PLXNA4: variants seen among roughly 807,000 people sequenced by gnomAD.
PLXNA4 encodes the protein plexin A4.
Under a neutral mutation model 191.8 loss-of-function variants are expected in PLXNA4, and 44 were observed. The ratio of observed to expected loss-of-function variants is 0.23; its 90% confidence interval spans 0.18 to 0.29. The LOEUF (loss-of-function observed/expected upper bound fraction) is 0.29. Ranked by LOEUF, PLXNA4 falls within the 10% of genes least tolerant of loss-of-function variation. PLXNA4 has a pLI of 1.00. For synonymous variants in PLXNA4, 1,082 were observed against 1,009.5 expected, an observed-to-expected ratio of 1.07 and a Z score of -1.36; for missense variants, 1,800 against 2,488.8, an observed-to-expected ratio of 0.72 and a Z score of 5.89.
chr7:132,365,360 T>TGTGTGTGTGTGTGCGCGC lies in PLXNA4; in HGVS notation c.1372-67139_1372-67138insGCGCGCACACACACACAC. On this transcript the variant is annotated intron_variant, in intron 3 of 31. Coordinates refer to ENST00000321063, the MANE Select transcript of PLXNA4 (RefSeq NM_020911.2). Reference sequence around the variant, plus strand: ...GTGTGTGTGTGTGTGTGTGTGTGTGTGCGTGCGCGCGCATGCATGGGGCAA... The same window carrying TGTGTGTGTGTGTGCGCGC: ...GTGTGTGTGTGTGTGTGTGTGTGTGTGTGTGTGTGTGTGCGCGCGCGTGCGCGCGCATGCATGGGGCAA... Among the ~76,000 whole-genome samples the TGTGTGTGTGTGTGCGCGC allele has an allele frequency of 1.2e-3, 153 of 128,816 alleles. 1 individual carries two copies. Among genetic ancestry groups the TGTGTGTGTGTGTGCGCGC allele is most frequent in the African/African-American group, 3.9e-3 (132 of 33,822 alleles). The allele number at this position is 128,816 out of a possible 152,430, so 84.5% of individuals were successfully genotyped here.
intron 30 of PLXNA4, among the ~76,000 whole-genome samples, chr7:132,138,215 T>C (rs1193170247): frequency 6.6e-6 from 1 of 152,156 alleles, no homozygotes; most frequent in Non-Finnish European, 1.5e-5. Context: ...CCCAAATACA[T>C]GCAGAGCACA....
At chr7:132,310,796 G>A (rs1801698616) in intron 3 of PLXNA4, among the ~76,000 whole-genome samples, 1 of 152,180 alleles carries the variant, frequency 6.6e-6, no homozygotes, top group African/African-American at 2.4e-5. Context: ...TCAAGCTACT[G>A]GGGCACCAGC....
intron 2 of PLXNA4, among the ~76,000 whole-genome samples, chr7:132,625,190 G>A (rs1398738908): frequency 6.6e-6 from 1 of 152,140 alleles, no homozygotes; most frequent in Non-Finnish European, 1.5e-5. Flanking sequence ...GATGACTTCA[G>A]CCCAAGAGAG....
intron 1 of PLXNA4, among the ~76,000 whole-genome samples, chr7:132,537,615 C>T (rs1333202167): frequency 6.6e-6 from 1 of 152,158 alleles, no homozygotes; most frequent in African/African-American, 2.4e-5. Flanking sequence ...ATGTGCCTGA[C>T]CAGACCCGGA....
intron 1 of PLXNA4, among the ~76,000 whole-genome samples, chr7:132,558,748 C>T (rs11974790): frequency 0.44 from 66,271 of 152,114 alleles, 17,021 homozygotes; most frequent in South Asian, 0.63. Flanking sequence ...CCGCCTCTTT[C>T]GCCTTTGCCT....
intron 3 of PLXNA4, among the ~76,000 whole-genome samples, chr7:132,426,685 G>T (rs977757028): frequency 4.6e-5 from 7 of 152,152 alleles, no homozygotes; most frequent in Non-Finnish European, 7.4e-5. Context: ...AAAACATATA[G>T]TCTTCTGGAA....
intron 24 of PLXNA4, among the ~76,000 whole-genome samples, chr7:132,163,387 T>C (rs560016156): frequency 1.3e-5 from 2 of 152,360 alleles, no homozygotes; most frequent in South Asian, 2.1e-4. Context: ...TGAGCAACTA[T>C]GATTATCCCC....
At chr7:132,322,430 G>T (rs572065888) in intron 3 of PLXNA4, among the ~76,000 whole-genome samples, 1 of 152,068 alleles carries the variant, frequency 6.6e-6, no homozygotes, top group Non-Finnish European at 1.5e-5. Flanking sequence ...TGATCCACCC[G>T]CCTCGGCCTC....
chr7:132,313,827 A>G (rs1210788149), intron 3 of PLXNA4, among the ~76,000 whole-genome samples: 1 of 152,132 alleles, frequency 6.6e-6, no homozygotes, highest in Non-Finnish European at 1.5e-5. Context: ...GACGACCACC[A>G]TGGCAGGCTG....
chr7:132,277,143 A>G (rs1800311054), intron 4 of PLXNA4, among the ~76,000 whole-genome samples: 1 of 152,208 alleles, frequency 6.6e-6, no homozygotes, highest in African/African-American at 2.4e-5. Context: ...CATTCTCCAG[A>G]AACACGGGGT....
At chr7:132,381,075 T>A (rs911466073) in intron 3 of PLXNA4, among the ~76,000 whole-genome samples, 2 of 152,222 alleles carry the variant, frequency 1.3e-5, no homozygotes, top group African/African-American at 4.8e-5. Flanking sequence ...CTATAATCAG[T>A]TTCAATACAA....
intron 3 of PLXNA4, among the ~76,000 whole-genome samples, chr7:132,395,720 T>A (rs1357412390): frequency 6.6e-6 from 1 of 152,214 alleles, no homozygotes; most frequent in Non-Finnish European, 1.5e-5. Context: ...CTTGATTTTC[T>A]TTGCCGCCCA....
Position 132,133,141 on chromosome 7 carries a change from G to C in PLXNA4, c.5497C>G (p.Leu1833Val), listed in dbSNP as rs548046504. 1.9e-6 allele frequency: 3 copies of C among 1,614,074 alleles called. No homozygotes were observed. Among genetic ancestry groups the C allele is most frequent in the Middle Eastern group, 1.6e-4 (1 of 6,084 alleles). ...ATGTGCATCCGGGACTGCTCAGCCA[G>C]GTATGCGTTCATGTCTTGGTCGCTG... The part of the protein sequence containing the change: ...AISDQDMNAY[L>V]AEQSRMHMNE... The change falls in exon 31 of 32, where the codon CTG (leucine) becomes GTG (valine). Residue 1833 changes from leucine to valine, a missense_variant. Transcript: ENST00000321063.
At chr7:132,161,842 G>T (rs1280158338) in intron 24 of PLXNA4, among the ~76,000 whole-genome samples, 1 of 152,150 alleles carries the variant, frequency 6.6e-6, no homozygotes. Context: ...AGGCTCCCAC[G>T]TGGGTACCCA....
intron 2 of PLXNA4, among the ~76,000 whole-genome samples, chr7:132,635,188 A>G (rs1485531754): frequency 6.8e-6 from 1 of 147,880 alleles, no homozygotes; most frequent in Non-Finnish European, 1.5e-5. Flanking sequence ...ATATATATAT[A>G]TATATATATA....
At chr7:132,547,648 A>T (rs1800367546) in intron 1 of PLXNA4, among the ~76,000 whole-genome samples, 1 of 152,088 alleles carries the variant, frequency 6.6e-6, no homozygotes, top group African/African-American at 2.4e-5. Context: ...TGTACAGAAG[A>T]ATCAAGGGAC....
intron 3 of PLXNA4, among the ~76,000 whole-genome samples, chr7:132,346,218 G>A (rs1057334282): frequency 3.9e-5 from 6 of 152,178 alleles, no homozygotes; most frequent in Non-Finnish European, 7.3e-5. Flanking sequence ...AACTTCATGG[G>A]ATGGTTGCAA....
chr7:132,521,986 T>A (rs1012973639), intron 1 of PLXNA4, among the ~76,000 whole-genome samples: 1 of 152,146 alleles, frequency 6.6e-6, no homozygotes, highest in Non-Finnish European at 1.5e-5. Context: ...TGTTGGATGC[T>A]ACTGACATCC....
chr7:132,412,583 T>C (rs1218495439), intron 3 of PLXNA4, among the ~76,000 whole-genome samples: 2 of 152,206 alleles, frequency 1.3e-5, no homozygotes, highest in African/African-American at 4.8e-5. Flanking sequence ...TGCTTTTTAA[T>C]ATAATAAGAT....
Sources: allele counts gnomAD v4.1 joint callset (sites outside exome capture counted in the v4.1 genomes callset), GRCh38; gene constraint gnomAD v4.1.1; transcripts MANE v1.5; gene names NCBI Gene and HGNC (gene_info 2026-07-23, HGNC 2026-07-21).